The following NKAIN2 variants were observed in gnomAD, a reference collection of about 807,000 sequenced individuals.
The protein encoded by NKAIN2 is sodium/potassium-transporting ATPase subunit beta-1-interacting protein 2.
A neutral mutation model predicts 32.6 loss-of-function variants in NKAIN2; 14 were observed. The observed-to-expected ratio is 0.43, with a 90% CI of 0.28 to 0.67. NKAIN2 has a LOEUF of 0.67. Among genes scored for constraint, NKAIN2 ranks in the 30% least tolerant of loss-of-function variants. NKAIN2 has a pLI of 0.17. For synonymous variants in NKAIN2, 80 were observed against 87.2 expected (o/e 0.92, Z 0.46); for missense variants, 198 against 258.3 (o/e 0.77, Z 1.60).
chr6:124,315,033 A>G (rs1346331026), intron 2 of NKAIN2, among the ~76,000 whole-genome samples: 1 of 152,192 alleles, frequency 6.6e-6, no homozygotes, highest in African/African-American at 2.4e-5. Context: ...TAAGTTTTTT[A>G]TATAATAAAT....
At chr6:124,210,986 G>A (rs1791144970) in intron 1 of NKAIN2, among the ~76,000 whole-genome samples, 1 of 150,346 alleles carries the variant, frequency 6.7e-6, no homozygotes, top group Non-Finnish European at 1.5e-5. Context: ...TGTCAAATAA[G>A]TGTTGAAAGT....
chr6:123,813,119 C>CTT (rs1157457695), intron 1 of NKAIN2, among the ~76,000 whole-genome samples: 4 of 152,316 alleles, frequency 2.6e-5, no homozygotes, highest in East Asian at 3.9e-4. Flanking sequence ...ATTATAGTCT[C>CTT]TGACACCACT....
At chr6:124,628,390 AT>A (rs2114294775) in intron 3 of NKAIN2, among the ~76,000 whole-genome samples, 1 of 152,202 alleles carries the variant, frequency 6.6e-6, no homozygotes, top group South Asian at 2.1e-4. Context: ...TGTCTTAGTT[AT>A]TTCATCCCCC....
At chr6:124,521,806 A>G (rs1779129131) in intron 3 of NKAIN2, among the ~76,000 whole-genome samples, 1 of 152,136 alleles carries the variant, frequency 6.6e-6, no homozygotes, top group South Asian at 2.1e-4. Flanking sequence ...GACACAGTAT[A>G]TCTGTAATAC....
intron 3 of NKAIN2, among the ~76,000 whole-genome samples, chr6:124,589,353 C>T (rs1226832437): frequency 6.6e-6 from 1 of 152,132 alleles, no homozygotes; most frequent in Non-Finnish European, 1.5e-5. Context: ...TACTTATTTA[C>T]CGTTCTACCC....
At chr6:123,826,004 G>T (rs1386847684) in intron 1 of NKAIN2, among the ~76,000 whole-genome samples, 1 of 152,174 alleles carries the variant, frequency 6.6e-6, no homozygotes, top group Non-Finnish European at 1.5e-5. Context: ...TTTAAAAATA[G>T]ATAACTACTT....
intron 1 of NKAIN2, among the ~76,000 whole-genome samples, chr6:123,997,466 T>C (rs1366675784): frequency 6.6e-6 from 1 of 152,164 alleles, no homozygotes; most frequent in Admixed American, 6.6e-5. Flanking sequence ...AATGGTCTTA[T>C]CAACCAGCAA....
At chr6:124,799,807 A>G (rs1780172036) in intron 5 of NKAIN2, among the ~76,000 whole-genome samples, 1 of 152,210 alleles carries the variant, frequency 6.6e-6, no homozygotes, top group African/African-American at 2.4e-5. Context: ...ATTTACAGAA[A>G]TGAATAAACA....
intron 3 of NKAIN2, among the ~76,000 whole-genome samples, chr6:124,394,677 C>T (rs906450378): frequency 2.6e-5 from 4 of 151,674 alleles, no homozygotes; most frequent in Non-Finnish European, 5.9e-5. Context: ...AACAGTGTCC[C>T]AGGTCAGCGG....
chr6:124,755,278 CA>C (rs1777910763), intron 4 of NKAIN2, among the ~76,000 whole-genome samples: 1 of 152,122 alleles, frequency 6.6e-6, no homozygotes, highest in Non-Finnish European at 1.5e-5. Flanking sequence ...AAGGACTCAG[CA>C]AGCCAGCTTA....
intron 1 of NKAIN2, among the ~76,000 whole-genome samples, chr6:124,242,912 T>C (rs997581882): frequency 1.3e-5 from 2 of 151,498 alleles, no homozygotes; most frequent in African/African-American, 4.9e-5. Context: ...AGGGGAGGGA[T>C]AGCATTAGAA....
intron 4 of NKAIN2, among the ~76,000 whole-genome samples, chr6:124,743,127 C>T (rs1165440403): frequency 6.6e-6 from 1 of 151,806 alleles, no homozygotes; most frequent in Non-Finnish European, 1.5e-5. Flanking sequence ...ACGCTGGAGT[C>T]AGATCACCTG....
intron 4 of NKAIN2, among the ~76,000 whole-genome samples, chr6:124,678,826 A>G (rs955463532): frequency 4.6e-5 from 7 of 152,190 alleles, no homozygotes; most frequent in Non-Finnish European, 1.0e-4. Context: ...AACTTTAAAA[A>G]CTGGCTTTGT....
chr6:124,638,887 C>CAACAA (rs1783879208), intron 3 of NKAIN2, among the ~76,000 whole-genome samples: 2 of 82,620 alleles, frequency 2.4e-5, no homozygotes, highest in Non-Finnish European at 4.5e-5. Flanking sequence ...GAGACTCTGT[C>CAACAA]AAAAAAAAAA....
In NKAIN2 at chr6:123,943,483, G is replaced by C. The variant is rs1290141587; in HGVS notation, c.54+139229G>C. Among the ~76,000 whole-genome samples, 7 of 152,102 alleles carry C rather than the reference G, an allele frequency of 4.6e-5. No individual in the cohort carries two copies. The East Asian group carries it at 1.2e-3, about 25-fold the overall frequency. The stretch of plus-strand genomic sequence containing the variant: ...GTGATTCTTTGTCCCCTTGTGGAAA[G>C]GGGACAGTGCTTTGGCATAGGCAAT... On this transcript the variant is annotated intron_variant, in intron 1 of 6. Transcript: ENST00000368417.
At chr6:123,987,588 T>G (rs894564523) in intron 1 of NKAIN2, among the ~76,000 whole-genome samples, 3 of 152,208 alleles carry the variant, frequency 2.0e-5, no homozygotes, top group African/African-American at 7.2e-5. Context: ...GGGCCTCTTC[T>G]GAGCTCATGT....
At chr6:124,813,510 A>T (rs79470786) in intron 5 of NKAIN2, among the ~76,000 whole-genome samples, 5,838 of 152,270 alleles carry the variant, frequency 0.038, 361 homozygotes, top group African/African-American at 0.13. Context: ...GCTTTTGATC[A>T]CTGTTGATAA....
intron 5 of NKAIN2, among the ~76,000 whole-genome samples, chr6:124,811,509 T>A (rs143486596): frequency 5.9e-4 from 90 of 152,328 alleles, no homozygotes; most frequent in African/African-American, 1.9e-3. Context: ...AAAACTTTTT[T>A]ATCTTACTTG....
chr6:123,833,797 G>A (rs181700267), intron 1 of NKAIN2, among the ~76,000 whole-genome samples: 2 of 146,920 alleles, frequency 1.4e-5, no homozygotes, highest in South Asian at 2.2e-4. Flanking sequence ...GCACGATCTC[G>A]GCTCACTGCA....
Sources: allele counts gnomAD v4.1 joint callset (sites outside exome capture counted in the v4.1 genomes callset), GRCh38; gene constraint gnomAD v4.1.1; transcripts MANE v1.5; gene names NCBI Gene and HGNC (gene_info 2026-07-23, HGNC 2026-07-21).